Variants in GPHN observed in about 807,000 individuals in gnomAD.
The protein encoded by GPHN is gephyrin.
Under a neutral mutation model 95.5 loss-of-function variants are expected in GPHN, and 17 were observed. The observed-to-expected ratio is 0.18, with a 90% CI of 0.12 to 0.27. GPHN has a LOEUF of 0.27. Among genes scored for constraint, GPHN ranks in the 10% least tolerant of loss-of-function variants. GPHN has a pLI of 1.00. For synonymous variants in GPHN, 320 were observed against 322.5 expected, an observed-to-expected ratio of 0.99 and a Z score of 0.08; for missense variants, 660 against 978.1, an observed-to-expected ratio of 0.67 and a Z score of 4.34.
At chr14:67,633,816 T>C in the GPHN span, among the ~76,000 whole-genome samples, 1 of 151,950 alleles carries the variant, frequency 6.6e-6, no homozygotes, top group Non-Finnish European at 1.5e-5. Flanking sequence ...AGGCATTCTC[T>C]CCTCCTCAGT....
the GPHN span, chr14:67,225,375 T>C: frequency 3.1e-6 from 2 of 640,800 alleles, no homozygotes; most frequent in Non-Finnish European, 4.8e-6. Flanking sequence ...TATTCTACTG[T>C]AGTAACAATA....
At chr14:66,910,410 C>A (rs1275965957) in intron 5 of GPHN, among the ~76,000 whole-genome samples, 9 of 151,898 alleles carry the variant, frequency 5.9e-5, no homozygotes, top group South Asian at 4.1e-4. Flanking sequence ...CTGACAACAT[C>A]TAGCATTGTC....
chr14:67,296,301 T>G, the GPHN span, among the ~76,000 whole-genome samples: 1 of 152,036 alleles, frequency 6.6e-6, no homozygotes, highest in Non-Finnish European at 1.5e-5. Context: ...GACTTAATGT[T>G]AAAAGATGGT....
the GPHN span, among the ~76,000 whole-genome samples, chr14:67,356,497 C>A: frequency 6.6e-6 from 1 of 151,442 alleles, no homozygotes; most frequent in Admixed American, 6.6e-5. Context: ...ATACTGGAAT[C>A]TTTTACCATA....
rs373068127 is a variant in GPHN, at chr14:66,776,533, C to T, written c.201+12C>T. The T allele has an allele frequency of 2.7e-6, 4 of 1,462,042 alleles. No homozygotes were observed. Among genetic ancestry groups the T allele is most frequent in the Admixed American group, 3.4e-5 (2 of 59,610 alleles). 90.6% of individuals were successfully genotyped at this position (1,462,042 alleles called of 1,614,324 possible). On this transcript the variant is annotated intron_variant, in intron 3 of 22. Coordinates refer to ENST00000478722, the MANE Select transcript of GPHN (RefSeq NM_020806.5). ...TAGAAGAAATCAAGGTATAGTATGG[C>T]ATTTTTCACCTCTACAAACATTTAG...
chr14:67,464,629 C>A, the GPHN span, among the ~76,000 whole-genome samples: 3 of 152,362 alleles, frequency 2.0e-5, no homozygotes, highest in African/African-American at 7.2e-5. Flanking sequence ...ACTCTCCCTG[C>A]ACCTTCACAG....
At chr14:66,565,139 A>G (rs897466062) in intron 1 of GPHN, among the ~76,000 whole-genome samples, 8 of 152,114 alleles carry the variant, frequency 5.3e-5, no homozygotes, top group Admixed American at 2.6e-4. Flanking sequence ...CCTAGTTTCA[A>G]TGAGATTTCA....
At chr14:66,679,726 CCCA>C (rs1213240016) in intron 1 of GPHN, among the ~76,000 whole-genome samples, 1 of 152,160 alleles carries the variant, frequency 6.6e-6, no homozygotes, top group Non-Finnish European at 1.5e-5. Flanking sequence ...ATAAAACCCA[CCCA>C]CCAACTGCTT....
chr14:67,577,997 C>G, the GPHN span: 1 of 1,604,906 alleles, frequency 6.2e-7, no homozygotes, highest in Non-Finnish European at 8.5e-7. Flanking sequence ...GCTGGTCTGC[C>G]TGTGCTCACT....
intron 1 of GPHN, among the ~76,000 whole-genome samples, chr14:66,546,073 T>C (rs1243835135): frequency 1.6e-5 from 2 of 127,872 alleles, no homozygotes; most frequent in Non-Finnish European, 1.7e-5. Context: ...CGGGTAGAGG[T>C]GCTCCTCACA....
Position 66,976,961 on chromosome 14 carries a change from A to G in GPHN, c.963+11636A>G, listed in dbSNP as rs75861644. On this transcript the variant is annotated intron_variant, in intron 9 of 22. Transcript: ENST00000478722. ...CTCACTAGAAATCTACTAAAAATTT[A>G]AAACAACACAAATTTTGCAATCAAA... Among the ~76,000 whole-genome samples, 60 of 150,564 alleles carry G rather than the reference A, an allele frequency of 4.0e-4. 3 individuals are homozygous for G. The East Asian group carries it at 0.012, about 29-fold the overall frequency.
intron 16 of GPHN, among the ~76,000 whole-genome samples, chr14:67,116,163 C>T (rs1138804): frequency 6.6e-6 from 1 of 151,902 alleles, no homozygotes; most frequent in Non-Finnish European, 1.5e-5. Flanking sequence ...AGGCATGATG[C>T]TATGCCCCTG....
chr14:66,912,893 G>A (rs1375106178), intron 5 of GPHN, among the ~76,000 whole-genome samples: 2 of 152,132 alleles, frequency 1.3e-5, no homozygotes, highest in African/African-American at 4.8e-5. Flanking sequence ...TAGTAATGAA[G>A]ACAGGATTAC....
the GPHN span, among the ~76,000 whole-genome samples, chr14:67,514,607 A>G: frequency 6.6e-6 from 1 of 151,904 alleles, no homozygotes; most frequent in Non-Finnish European, 1.5e-5. Flanking sequence ...CTCAGCCTCT[A>G]ATTCAGGAGG....
rs753886868 is a variant in GPHN, at chr14:66,667,175, T to G, written c.65-13932T>G. 3.7e-4 allele frequency among the ~76,000 whole-genome samples: 56 copies of G among 152,290 alleles called. 1 individual carries two copies. The highest frequency in any genetic ancestry group is 3.4e-3 in the Middle Eastern group (1 of 294). ...TGGAGAAACATTCCATGCTCATGGATAGGAAGAATCAGTATTGGTAAAATG... is the reference window on the plus strand; with the variant it reads ...TGGAGAAACATTCCATGCTCATGGAGAGGAAGAATCAGTATTGGTAAAATG... On this transcript the variant is annotated intron_variant, in intron 1 of 22. Coordinates refer to ENST00000478722, the MANE Select transcript of GPHN (RefSeq NM_020806.5).
intron 18 of GPHN, among the ~76,000 whole-genome samples, chr14:67,156,028 G>C (rs1024743448): frequency 6.6e-6 from 1 of 152,172 alleles, no homozygotes; most frequent in African/African-American, 2.4e-5. Context: ...CTTCAAAAAT[G>C]AAGGTGGAGT....
chr14:66,991,026 A>C (rs1172712334), intron 9 of GPHN, among the ~76,000 whole-genome samples: 1 of 152,062 alleles, frequency 6.6e-6, no homozygotes, highest in African/African-American at 2.4e-5. Context: ...ATTAAGGATA[A>C]TGTAATCAAC....
intron 11 of GPHN, among the ~76,000 whole-genome samples, chr14:67,083,878 T>C (rs1567306647): frequency 6.6e-6 from 1 of 152,198 alleles, no homozygotes; most frequent in African/African-American, 2.4e-5. Context: ...TTTTATATCC[T>C]CTTTGATCGA....
the GPHN span, among the ~76,000 whole-genome samples, chr14:67,662,196 G>C: frequency 4.7e-5 from 7 of 148,636 alleles, no homozygotes; most frequent in Admixed American, 4.8e-4. Flanking sequence ...AAAAACAACA[G>C]ATTTTAAAAG....
Sources: allele counts gnomAD v4.1 joint callset (sites outside exome capture counted in the v4.1 genomes callset), GRCh38; gene constraint gnomAD v4.1.1; transcripts MANE v1.5; gene names NCBI Gene and HGNC (gene_info 2026-07-23, HGNC 2026-07-21).